The following FRS2 variants were observed in gnomAD, a reference collection of about 807,000 sequenced individuals.
FRS2 encodes the protein fibroblast growth factor receptor substrate 2, also known as FGFR signalling adaptor.
A neutral mutation model predicts 43.9 loss-of-function variants in FRS2; 8 were observed. That is an observed-to-expected ratio of 0.18 (90% CI 0.11 to 0.33). FRS2 has a LOEUF of 0.33. FRS2 is among the 10% of genes least tolerant of loss of function. The probability of loss-of-function intolerance (pLI) is 1.00; values close to 1 mark genes in which losing one functional copy is unlikely to be tolerated. For synonymous variants in FRS2, 219 were observed against 220.3 expected (o/e 0.99, Z 0.05); for missense variants, 534 against 627.6 (o/e 0.85, Z 1.59).
chr12:69,546,211 A>G (rs1878389106), intron 3 of FRS2, among the ~76,000 whole-genome samples: 1 of 152,224 alleles, frequency 6.6e-6, no homozygotes, highest in African/African-American at 2.4e-5. Context: ...TATTAGAAAA[A>G]TGCAAATCAG....
At chr12:69,477,397 C>T (rs1435798167) in intron 1 of FRS2, among the ~76,000 whole-genome samples, 1 of 151,200 alleles carries the variant, frequency 6.6e-6, no homozygotes, top group Non-Finnish European at 1.5e-5. Context: ...ATTCTCCTGC[C>T]TCAGCCTCAC....
chr12:69,539,759 G>T (rs1014707570), intron 3 of FRS2, among the ~76,000 whole-genome samples: 4 of 151,538 alleles, frequency 2.6e-5, no homozygotes, highest in East Asian at 3.9e-4. Context: ...TTCGAGACCA[G>T]CCTGGCCAAC....
intron 1 of FRS2, among the ~76,000 whole-genome samples, chr12:69,504,021 A>G (rs1158896083): frequency 6.6e-6 from 1 of 152,140 alleles, no homozygotes; most frequent in Non-Finnish European, 1.5e-5. Flanking sequence ...CTGTCCAACA[A>G]GGTGAAACCC....
At chr12:69,556,007 G>GT (rs1879305635) in intron 3 of FRS2, among the ~76,000 whole-genome samples, 1 of 71,860 alleles carries the variant, frequency 1.4e-5, no homozygotes, top group Non-Finnish European at 2.7e-5. Context: ...TGTGTGTGTG[G>GT]CGGGGGGGGG....
intron 1 of FRS2, among the ~76,000 whole-genome samples, chr12:69,515,346 A>G (rs1029166253): frequency 2.6e-5 from 4 of 152,154 alleles, no homozygotes; most frequent in Admixed American, 6.5e-5. Flanking sequence ...AATTTTTTCT[A>G]TTTTCAGCTG....
chr12:69,498,532 T>G (rs893360675), intron 1 of FRS2, among the ~76,000 whole-genome samples: 28 of 151,708 alleles, frequency 1.8e-4, no homozygotes, highest in African/African-American at 6.1e-4. Flanking sequence ...TGTGTGTGTG[T>G]GTGTGTGTGT....
intron 1 of FRS2, among the ~76,000 whole-genome samples, chr12:69,473,244 A>G (rs968445235): frequency 6.6e-6 from 1 of 152,254 alleles, no homozygotes; most frequent in Admixed American, 6.5e-5. Context: ...TGCCTGGGCT[A>G]TGTGGCTAGC....
chr12:69,508,666 C>T (rs1346329070), intron 1 of FRS2, among the ~76,000 whole-genome samples: 1 of 152,136 alleles, frequency 6.6e-6, no homozygotes, highest in Non-Finnish European at 1.5e-5. Flanking sequence ...GAAAACAGTT[C>T]CCCATCTCTC....
chr12:69,546,559 A>G (rs891848619), intron 3 of FRS2, among the ~76,000 whole-genome samples: 5 of 151,960 alleles, frequency 3.3e-5, no homozygotes, highest in Non-Finnish European at 7.4e-5. Flanking sequence ...TGCCCGGCTA[A>G]TTTTTGTATT....
chr12:69,556,318 A>G (rs1300055924), intron 3 of FRS2, among the ~76,000 whole-genome samples: 2 of 149,360 alleles, frequency 1.3e-5, no homozygotes, highest in African/African-American at 4.9e-5. Flanking sequence ...AATATCTTTT[A>G]ATTTACTTTT....
intron 3 of FRS2, among the ~76,000 whole-genome samples, chr12:69,554,554 A>G (rs1170541030): frequency 1.3e-5 from 2 of 152,246 alleles, no homozygotes; most frequent in Non-Finnish European, 2.9e-5. Flanking sequence ...TAATGTTAAC[A>G]TCTTACATAA....
chr12:69,530,392 C>G (rs2135660830), intron 1 of FRS2, among the ~76,000 whole-genome samples: 1 of 152,026 alleles, frequency 6.6e-6, no homozygotes, highest in African/African-American at 2.4e-5. Flanking sequence ...TTCTATCTCT[C>G]CCACCTCAGT....
intron 1 of FRS2, among the ~76,000 whole-genome samples, chr12:69,472,676 A>ATGCTATGTTATGCATAGCATGCTATT (rs1870419229): frequency 6.6e-6 from 1 of 152,226 alleles, no homozygotes; most frequent in South Asian, 2.1e-4. Flanking sequence ...TATGCATGTT[A>ATGCTATGTTATGCATAGCATGCTATT]TGCTATGTTA....
At chr12:69,567,270 T>C (rs1360678608) in intron 4 of FRS2, among the ~76,000 whole-genome samples, 1 of 152,208 alleles carries the variant, frequency 6.6e-6, no homozygotes, top group East Asian at 1.9e-4. Flanking sequence ...GGCATATTAG[T>C]TAAAGCAAAA....
chr12:69,559,258 T>C (rs946691713), intron 3 of FRS2, among the ~76,000 whole-genome samples: 29 of 152,356 alleles, frequency 1.9e-4, no homozygotes, highest in African/African-American at 7.0e-4. Flanking sequence ...TTTACTTATG[T>C]TTTATAGAGA....
At chr12:69,556,795 G>A (rs1879395796) in intron 3 of FRS2, among the ~76,000 whole-genome samples, 1 of 152,128 alleles carries the variant, frequency 6.6e-6, no homozygotes, top group Non-Finnish European at 1.5e-5. Context: ...TGAAATTAGA[G>A]TGACTTGGAT....
At chr12:69,474,163 C>T (rs180905600) in intron 1 of FRS2, among the ~76,000 whole-genome samples, 17 of 152,172 alleles carry the variant, frequency 1.1e-4, no homozygotes, top group Admixed American at 7.2e-4. Flanking sequence ...TTTTAAGTGT[C>T]GGAGATGTTG....
chr12:69,571,803 G>T (rs916611651), intron 7 of FRS2, among the ~76,000 whole-genome samples: 1 of 152,188 alleles, frequency 6.6e-6, no homozygotes. Context: ...GGTGGAGCTT[G>T]CAGTGAACTG....
intron 1 of FRS2, among the ~76,000 whole-genome samples, chr12:69,528,483 A>G (rs762348873): frequency 6.6e-6 from 1 of 152,212 alleles, no homozygotes; most frequent in Non-Finnish European, 1.5e-5. Flanking sequence ...GGACTCTTTT[A>G]ATTCAAATCT....
Sources: gnomAD v4.1 joint callset for allele counts (sites outside exome capture counted in the v4.1 genomes callset) on GRCh38, gnomAD v4.1.1 for gene constraint, MANE v1.5 for transcripts, NCBI Gene and HGNC (gene_info 2026-07-23, HGNC 2026-07-21) for gene names.